Variants in ABHD2 observed in about 807,000 individuals in gnomAD.
The protein encoded by ABHD2 is monoacylglycerol lipase ABHD2.
ABHD2 carries 20 observed loss-of-function variants against 48.1 expected under a neutral mutation model. That is an observed-to-expected ratio of 0.42 (90% CI 0.29 to 0.60). The LOEUF is 0.60. Ranked by LOEUF, ABHD2 falls within the 20% of genes least tolerant of loss-of-function variation. ABHD2 has a pLI of 0.24. For synonymous variants in ABHD2, 209 were observed against 214.2 expected, an observed-to-expected ratio of 0.98 and a Z score of 0.21; for missense variants, 405 against 550.9, an observed-to-expected ratio of 0.74 and a Z score of 2.65.
At chr15:89,074,958 G>A in the ABHD2 span, among the ~76,000 whole-genome samples, 8 of 152,112 alleles carry the variant, frequency 5.3e-5, no homozygotes, top group South Asian at 2.1e-4. Flanking sequence ...TTAACCCTCA[G>A]GAGAAAAAGC....
Position 89,195,145 on chromosome 15 carries a change from A to G in ABHD2, c.1082-82A>G. The G allele has an allele frequency of 6.6e-7, 1 of 1,512,798 alleles. No homozygotes were observed. The highest frequency in any genetic ancestry group is 8.9e-7 in the Non-Finnish European group (1 of 1,118,476). The allele number at this position is 1,512,798 out of a possible 1,614,324, so 93.7% of individuals were successfully genotyped here. A position where few individuals can be genotyped will look rare whatever the true frequency, so the allele number is the denominator to read the frequency against. On this transcript the variant is annotated intron_variant, in intron 10 of 10. Transcript: ENST00000352732. The surrounding 1 kb of genome is among the most constrained non-coding windows in gnomAD (Gnocchi z 5.1). ...GTGACCCTGCGGGGACAGCCAGGCT[A>G]CCCTAGCCAGCTCACCTCTGCACCT...
the ABHD2 span, among the ~76,000 whole-genome samples, chr15:89,072,187 A>G: frequency 6.6e-6 from 1 of 152,206 alleles, no homozygotes; most frequent in African/African-American, 2.4e-5. Context: ...TAAGAAACAA[A>G]TGTTTGGGCC....
At chr15:89,191,255 C>T (rs1217458806) in intron 9 of ABHD2, 106 bp downstream of exon 9, 1 of 1,104,474 alleles carries the variant, frequency 9.1e-7, no homozygotes, top group Non-Finnish European at 1.3e-6. Context: ...CAGCTGGAAT[C>T]TGGCTCCAAC....
At chr15:89,089,703 A>G (rs566655794) in intron 1 of ABHD2, among the ~76,000 whole-genome samples, 2 of 152,308 alleles carry the variant, frequency 1.3e-5, no homozygotes, top group East Asian at 3.9e-4. Context: ...TTACAGCCAC[A>G]TTAAGCAGAG....
intron 5 of ABHD2, among the ~76,000 whole-genome samples, chr15:89,159,086 A>G (rs950827016): frequency 6.6e-6 from 1 of 152,046 alleles, no homozygotes; most frequent in Non-Finnish European, 1.5e-5. Flanking sequence ...TTAAAGAATT[A>G]CAATACAACG....
At chr15:89,049,611 G>A in the ABHD2 span, among the ~76,000 whole-genome samples, 6 of 152,196 alleles carry the variant, frequency 3.9e-5, no homozygotes, top group African/African-American at 7.2e-5. Flanking sequence ...TTTTAAGCCC[G>A]TCGGAAAAGC....
chr15:89,089,855 C>G (rs1335977837), intron 1 of ABHD2, among the ~76,000 whole-genome samples: 1 of 152,178 alleles, frequency 6.6e-6, no homozygotes, highest in East Asian at 1.9e-4. Context: ...AACATCTAGT[C>G]AGAAAGCAGT....
At chr15:89,054,910 T>C in the ABHD2 span, among the ~76,000 whole-genome samples, 1 of 152,164 alleles carries the variant, frequency 6.6e-6, no homozygotes, top group African/African-American at 2.4e-5. Flanking sequence ...GGGTATTCCA[T>C]TGTGTGCAAT....
chr15:89,162,684 C>T (rs2050780367), intron 5 of ABHD2, among the ~76,000 whole-genome samples: 1 of 152,180 alleles, frequency 6.6e-6, no homozygotes, highest in African/African-American at 2.4e-5. Flanking sequence ...TCTCCCTCAT[C>T]TAAAGCTCCC....
chr15:89,074,202 A>C, the ABHD2 span, among the ~76,000 whole-genome samples: 30,425 of 152,034 alleles, frequency 0.2, 3,701 homozygotes, highest in East Asian at 0.35. Flanking sequence ...GGGGAAACCC[A>C]GTCTCTACTA....
At chr15:89,125,808 C>G (rs545184693) in intron 3 of ABHD2, among the ~76,000 whole-genome samples, 1 of 152,308 alleles carries the variant, frequency 6.6e-6, no homozygotes, top group African/African-American at 2.4e-5. Context: ...TTGAGGTCTC[C>G]TATATTGAAT....
intron 3 of ABHD2, among the ~76,000 whole-genome samples, chr15:89,143,648 A>T (rs1014684345): frequency 6.6e-6 from 1 of 151,630 alleles, no homozygotes; most frequent in African/African-American, 2.4e-5. Context: ...GCGCCATTGC[A>T]CTCCAGCCTG....
chr15:89,186,059 CTT>C lies in ABHD2; in HGVS notation c.815+544_815+545del. Among the ~76,000 whole-genome samples, 1 of 152,338 alleles carries C rather than the reference CTT, an allele frequency of 6.6e-6. No individual in the cohort carries two copies. The highest frequency in any genetic ancestry group is 1.9e-4 in the East Asian group (1 of 5,182). On this transcript the variant is annotated intron_variant, in intron 7 of 10. Transcript: ENST00000352732. This position sits in a 1 kb window ranked among gnomAD's most constrained non-coding sequence, Gnocchi z 4.3. ...CCAGTAAATCTAAGACAATGAACCA[CTT>C]CCACACCCTTTTCTCCCAAATTAGA...
chr15:89,103,508 G>A (rs1382599685), intron 1 of ABHD2, among the ~76,000 whole-genome samples: 1 of 152,160 alleles, frequency 6.6e-6, no homozygotes, highest in Non-Finnish European at 1.5e-5. Context: ...CAGGTCTCCT[G>A]GTTCCAAAAC....
In ABHD2 at chr15:89,102,988, G is replaced by T. The variant is rs897441041; in HGVS notation, c.-106-10737G>T. On this transcript the variant is annotated intron_variant, in intron 1 of 10. Transcript: ENST00000352732. The surrounding 1 kb of genome is among the most constrained non-coding windows in gnomAD (Gnocchi z 4.8). Reference sequence around the variant, plus strand: ...TTGGAACAATAGTGGAGTGTTTGTGGTGGACGGACGGGAGAGAGGAACACT... The same window carrying T: ...TTGGAACAATAGTGGAGTGTTTGTGTTGGACGGACGGGAGAGAGGAACACT... 6.6e-5 allele frequency among the ~76,000 whole-genome samples: 10 copies of T among 152,228 alleles called. No individual in the cohort carries two copies. The highest frequency in any genetic ancestry group is 2.4e-4 in the African/African-American group (10 of 41,462).
intron 1 of ABHD2, among the ~76,000 whole-genome samples, chr15:89,095,728 C>G (rs564515078): frequency 1.3e-5 from 2 of 152,308 alleles, no homozygotes; most frequent in East Asian, 1.9e-4. Context: ...CCATCACATT[C>G]ATTTTGTGCT....
At chr15:89,069,113 TTTTCTTTTC>T in the ABHD2 span, among the ~76,000 whole-genome samples, 3 of 133,798 alleles carry the variant, frequency 2.2e-5, no homozygotes, top group Admixed American at 7.9e-5. Context: ...TTTTCTTTTC[TTTTCTTTTC>T]TTTTTTTTTT....
rs773255170 is a variant in ABHD2, at chr15:89,173,563, ACT to A, written c.539-2246_539-2245del. Among the ~76,000 whole-genome samples, 4 of 152,294 alleles carry A rather than the reference ACT, an allele frequency of 2.6e-5. No homozygotes were observed. Among genetic ancestry groups the A allele is most frequent in the Non-Finnish European group, 5.9e-5 (4 of 68,028 alleles). On this transcript the variant is annotated intron_variant, in intron 5 of 10. Transcript: ENST00000352732. The surrounding 1 kb of genome is among the most constrained non-coding windows in gnomAD (Gnocchi z 6.5). Reference sequence around the variant, plus strand: ...ACTCCAGCCTGGGTGACAGAGCGAGACTCTGTCTCAAAAACAAACGAACAAAA... The same window carrying A: ...ACTCCAGCCTGGGTGACAGAGCGAGACTGTCTCAAAAACAAACGAACAAAA...
chr15:89,175,980 G>A lies in ABHD2; in HGVS notation c.707G>A (p.Gly236Glu). ...CTGTGCTGCGTCAGCGTGTGCCAGG[G>A]GTACAGTGCACTGAGGTGAGTCATC... Reference protein sequence around the residue: ...KVLCCVSVCQGYSALRAQETF... With the variant: ...KVLCCVSVCQEYSALRAQETF... Residue 236 changes from glycine (G) to glutamate (E), a missense_variant, in exon 6 of 11, where the codon GGG becomes GAG. Coordinates refer to ENST00000352732, the MANE Select transcript of ABHD2 (RefSeq NM_152924.5). The surrounding 1 kb of genome is among the most constrained non-coding windows in gnomAD (Gnocchi z 5.7). 1 of 1,610,124 alleles carries A rather than the reference G, an allele frequency of 6.2e-7. No homozygotes were observed. The highest frequency in any genetic ancestry group is 1.7e-4 in the Middle Eastern group (1 of 5,734).
Sources: allele counts gnomAD v4.1 joint callset (sites outside exome capture counted in the v4.1 genomes callset), GRCh38; gene constraint gnomAD v4.1.1; non-coding constraint Gnocchi (gnomAD v3.1); transcripts MANE v1.5; gene names NCBI Gene and HGNC (gene_info 2026-07-23, HGNC 2026-07-21).